OTUB1: variants seen among roughly 807,000 people sequenced by gnomAD.
OTUB1 encodes the protein ubiquitin thioesterase OTUB1.
OTUB1 carries 10 observed loss-of-function variants against 35.8 expected under a neutral mutation model. That is an observed-to-expected ratio of 0.28 (90% CI 0.17 to 0.47). The LOEUF (loss-of-function observed/expected upper bound fraction) is 0.47. Ranked by LOEUF, OTUB1 falls within the 20% of genes least tolerant of loss-of-function variation. The probability of loss-of-function intolerance (pLI) is 0.99; values close to 1 mark genes in which losing one functional copy is unlikely to be tolerated. For missense variants in OTUB1, 264 were observed against 351.6 expected (o/e 0.75, Z 1.99); for synonymous variants, 158 against 143.8 (o/e 1.10, Z -0.71).
intron 3 of OTUB1, among the ~76,000 whole-genome samples, chr11:63,992,292 G>A (rs1942679673): frequency 6.6e-6 from 1 of 152,030 alleles, no homozygotes; most frequent in African/African-American, 2.4e-5. Flanking sequence ...TGCTGATGAG[G>A]TGGTATTTGA....
intron 3 of OTUB1, among the ~76,000 whole-genome samples, chr11:63,990,905 A>G (rs1341651511): frequency 6.6e-6 from 1 of 152,188 alleles, no homozygotes; most frequent in African/African-American, 2.4e-5. Context: ...TGTTTTTCCA[A>G]GAGAAGCCAG....
chr11:63,987,645 G>A (rs1942633414), intron 1 of OTUB1, among the ~76,000 whole-genome samples: 1 of 152,240 alleles, frequency 6.6e-6, no homozygotes. Flanking sequence ...TGCTAGTTGT[G>A]ACCTTGAGCA....
intron 3 of OTUB1, chr11:63,989,881 G>C (rs1263478571): frequency 1.3e-5 from 2 of 151,972 alleles, no homozygotes; most frequent in Non-Finnish European, 2.9e-5. Flanking sequence ...AGGCGTGGTG[G>C]TGGGCACCTG....
chr11:63,998,344 C>T lies in OTUB1; in HGVS notation c.*798C>T, dbSNP rs893748346. The T allele has an allele frequency of 2.4e-5, 4 of 167,918 alleles. No homozygotes were observed. Among genetic ancestry groups the T allele is most frequent in the Non-Finnish European group, 5.1e-5 (4 of 78,052 alleles). 10.4% of individuals were successfully genotyped at this position (167,918 alleles called of 1,614,324 possible). A position where few individuals can be genotyped will look rare whatever the true frequency, so the allele number is the denominator to read the frequency against. Reference sequence around the variant, plus strand: ...TTTTCTTCCCCGCCCCCTGCACATTCGGGGTCTCAGCCCCCAGGCTGTGAG... The same window carrying T: ...TTTTCTTCCCCGCCCCCTGCACATTTGGGGTCTCAGCCCCCAGGCTGTGAG... On this transcript the variant is annotated 3_prime_UTR_variant, in exon 7 of 7. Coordinates refer to ENST00000538426, the MANE Select transcript of OTUB1 (RefSeq NM_017670.3).
In OTUB1 at chr11:63,997,073, G is replaced by A; in HGVS notation, c.447G>A (p.Val149=). 6.2e-7 allele frequency: 1 copy of A among 1,614,150 alleles called. No homozygotes were observed. Among genetic ancestry groups the A allele is most frequent in the Non-Finnish European group, 8.5e-7 (1 of 1,179,998 alleles). Residue 149 remains valine (V), a synonymous_variant, in exon 6 of 7, where the codon GTG becomes GTA. Coordinates refer to ENST00000538426, the MANE Select transcript of OTUB1 (RefSeq NM_017670.3). ...AGTTCATGGACCTGATTGAGCAGGT[G>A]GAGAAGCAGACCTCTGTCGCCGACC... is the stretch of plus-strand genomic sequence containing the variant. ...HNTFMDLIEQ[V]EKQTSVADLL... is the part of the protein sequence containing the mutation.
chr11:63,990,596 A>AAAAAAAAT (rs201888645), intron 3 of OTUB1: 1 of 143,988 alleles, frequency 6.9e-6, no homozygotes, highest in African/African-American at 2.7e-5. Flanking sequence ...AAAAAAATAA[A>AAAAAAAAT]AAAATAAATA....
In OTUB1 at chr11:63,988,377, G is replaced by A; in HGVS notation, c.99G>A (p.Gln33=). 1 of 1,554,270 alleles carries A rather than the reference G, an allele frequency of 6.4e-7. No individual in the cohort carries two copies. Reference sequence around the variant, plus strand: ...CCTATGATGAAGCCATCATGGCTCAGCAGGACCGAATTCAGCAAGAGGTGA... The same window carrying A: ...CCTATGATGAAGCCATCATGGCTCAACAGGACCGAATTCAGCAAGAGGTGA... The part of the protein sequence containing the change: ...CLAYDEAIMA[Q]QDRIQQEIAV... The change falls in exon 2 of 7, where the codon CAG becomes CAA. Residue 33 remains glutamine, a synonymous_variant. Coordinates refer to ENST00000538426, the MANE Select transcript of OTUB1 (RefSeq NM_017670.3).
In OTUB1 at chr11:63,997,723, CTCTGCTGCCCGCCTGGCTGCTCTG is replaced by C. The variant is rs1233519259; in HGVS notation, c.*188_*211del. ...GGTGAGCCGTGTGTGCGTGTCCCTG[CTCTGCTGCCCGCCTGGCTGCTCTG>C]TCTGCTGCCCCCTCCCCCCAGGTGG... On this transcript the variant is annotated 3_prime_UTR_variant, in exon 7 of 7. Transcript: ENST00000538426. 7 of 710,048 alleles carry C rather than the reference CTCTGCTGCCCGCCTGGCTGCTCTG, an allele frequency of 9.9e-6. No homozygotes were observed. The highest frequency in any genetic ancestry group is 4.0e-5 in the Admixed American group (2 of 50,048). The allele number at this position is 710,048 out of a possible 1,614,324, so 44.0% of individuals were successfully genotyped here. A position where few individuals can be genotyped will look rare whatever the true frequency, so the allele number is the denominator to read the frequency against.
chr11:63,988,748 T>A lies in OTUB1; in HGVS notation c.215T>A (p.Ile72Asn), dbSNP rs1335258020. The A allele has an allele frequency of 6.2e-7, 1 of 1,608,504 alleles. No individual in the cohort carries two copies. The highest frequency in any genetic ancestry group is 8.5e-7 in the Non-Finnish European group (1 of 1,175,690). ...AEDDNIYQQKIKDLHKKYSYI... is the reference protein window; with the variant it reads ...AEDDNIYQQKNKDLHKKYSYI... ...GATGACAACATCTATCAACAGAAGA[T>A]CAAGGTGGGAGCCTGGCCAGAGCGG... The change falls in exon 3 of 7, where the codon ATC becomes AAC. Residue 72 changes from isoleucine (I) to asparagine (N), a missense_variant. Ile to Asn is a moderately radical substitution (Grantham distance 149, BLOSUM62 -3). Transcript: ENST00000538426.
chr11:63,993,062 T>G (rs1285489959), intron 3 of OTUB1, among the ~76,000 whole-genome samples: 1 of 152,224 alleles, frequency 6.6e-6, no homozygotes, highest in Non-Finnish European at 1.5e-5. Context: ...GCCAGGAGAC[T>G]TGTGCAGTAA....
rs757291857 is a variant in OTUB1, at chr11:63,997,014, C to T, written c.424-36C>T. The T allele has an allele frequency of 1.6e-5, 26 of 1,611,548 alleles. No homozygotes were observed. The Admixed American group carries it at 4.2e-4, about 26-fold the overall frequency. On this transcript the variant is annotated intron_variant, in intron 5 of 6. Coordinates refer to ENST00000538426, the MANE Select transcript of OTUB1 (RefSeq NM_017670.3). The stretch of plus-strand genomic sequence containing the variant: ...CCTGGTGAGGACCACCCATCTCCTC[C>T]CCGTCATCTTGCCCTTTCTCCCTCC...
intron 4 of OTUB1, 51 bp downstream of exon 4, chr11:63,996,699 C>T: frequency 6.2e-7 from 1 of 1,613,814 alleles, no homozygotes; most frequent in Middle Eastern, 1.7e-4. Context: ...CTACCTCCTC[C>T]CCGGGCGAGT....
At chr11:63,987,801 C>T (rs1182268813) in intron 1 of OTUB1, among the ~76,000 whole-genome samples, 2 of 152,324 alleles carry the variant, frequency 1.3e-5, no homozygotes, top group Non-Finnish European at 2.9e-5. Context: ...TCTGCTTCCT[C>T]GTCCTACTTT....
At chr11:63,988,269 T>C in intron 1 of OTUB1, 68 bp from the exon 2 acceptor site, 2 of 1,355,864 alleles carry the variant, frequency 1.5e-6, no homozygotes, top group Non-Finnish European at 2.1e-6. Flanking sequence ...CTCTTGTCCC[T>C]GGCCCAGCTG....
In OTUB1 at chr11:63,997,414, C is replaced by T. The variant is rs200423792; in HGVS notation, c.684C>T (p.Ser228=). ...IHIIALAQAL[S]VSIQVEYMDR... is the part of the protein sequence containing the mutation. Reference sequence around the variant, plus strand: ...TCATTGCGCTGGCCCAGGCCCTCAGCGTGTCCATCCAGGTGGAGTACATGG... The same window carrying T: ...TCATTGCGCTGGCCCAGGCCCTCAGTGTGTCCATCCAGGTGGAGTACATGG... The change falls in exon 7 of 7, where the codon AGC becomes AGT. Residue 228 remains serine, a synonymous_variant. Coordinates refer to ENST00000538426, the MANE Select transcript of OTUB1 (RefSeq NM_017670.3). The T allele has an allele frequency of 9.3e-6, 15 of 1,614,068 alleles. No homozygotes were observed. The highest frequency in any genetic ancestry group is 1.7e-5 in the Admixed American group (1 of 60,030).
intron 3 of OTUB1, 79 bp from the exon 4 acceptor site, chr11:63,996,451 C>A (rs909047996): frequency 8.3e-5 from 125 of 1,502,642 alleles, no homozygotes; most frequent in Non-Finnish European, 5.7e-5. Flanking sequence ...TGGAGTGTGA[C>A]CTTTGCTGGG....
chr11:63,988,794 G>A (rs140246872), intron 3 of OTUB1, 42 bp downstream of exon 3: 227 of 1,296,078 alleles, frequency 1.8e-4, no homozygotes, highest in Non-Finnish European at 2.4e-4. Flanking sequence ...CCCTGGGGGT[G>A]GGGCAGGAGG....
At chr11:63,990,609 TAAA>T (rs1942664689) in intron 3 of OTUB1, 1 of 143,416 alleles carries the variant, frequency 7.0e-6, no homozygotes, top group South Asian at 2.1e-4. Flanking sequence ...AATAAATAAA[TAAA>T]TAAATAAATA....
intron 3 of OTUB1, among the ~76,000 whole-genome samples, chr11:63,993,276 T>C (rs1942688753): frequency 6.6e-6 from 1 of 152,168 alleles, no homozygotes; most frequent in African/African-American, 2.4e-5. Flanking sequence ...AAATGCCTGT[T>C]GGACAGTTCA....
Sources: gnomAD v4.1 joint callset for allele counts (sites outside exome capture counted in the v4.1 genomes callset) on GRCh38, gnomAD v4.1.1 for gene constraint, MANE v1.5 for transcripts, NCBI Gene and HGNC (gene_info 2026-07-23, HGNC 2026-07-21) for gene names.